The following PAK2 variants were observed in gnomAD, a reference collection of about 807,000 sequenced individuals.
The protein encoded by PAK2 is serine/threonine-protein kinase PAK 2.
Under a neutral mutation model 65.9 loss-of-function variants are expected in PAK2, and 21 were observed. That is an observed-to-expected ratio of 0.32 (90% CI 0.23 to 0.46). PAK2 has a LOEUF of 0.46. Among genes scored for constraint, PAK2 ranks in the 20% least tolerant of loss-of-function variants. PAK2 has a pLI of 1.00. For synonymous variants in PAK2, 204 were observed against 219.7 expected (o/e 0.93, Z 0.63); for missense variants, 324 against 642.6 (o/e 0.50, Z 5.36).
intron 12 of PAK2, among the ~76,000 whole-genome samples, chr3:196,819,024 A>G (rs1279825115): frequency 1.3e-5 from 2 of 152,226 alleles, no homozygotes; most frequent in Non-Finnish European, 1.5e-5. Flanking sequence ...CTGAACTTAC[A>G]TACCGCAGTA....
intron 7 of PAK2, among the ~76,000 whole-genome samples, chr3:196,808,793 G>A (rs1391490836): frequency 2.0e-5 from 3 of 151,904 alleles, no homozygotes; most frequent in East Asian, 1.9e-4. Flanking sequence ...CCTGGGAGGC[G>A]GAGATTGCAG....
intron 1 of PAK2, among the ~76,000 whole-genome samples, chr3:196,765,159 T>C (rs971132771): frequency 4.1e-5 from 6 of 147,574 alleles, no homozygotes; most frequent in African/African-American, 1.5e-4. Context: ...TTTTTTTTTT[T>C]TTTTTTGAGA....
At chr3:196,793,735 G>A (rs1715152999) in intron 2 of PAK2, among the ~76,000 whole-genome samples, 1 of 152,150 alleles carries the variant, frequency 6.6e-6, no homozygotes, top group Non-Finnish European at 1.5e-5. Context: ...CGCAGAGAAA[G>A]AATGATCAGA....
At chr3:196,747,700 A>T (rs1412243914) in intron 1 of PAK2, among the ~76,000 whole-genome samples, 1 of 152,206 alleles carries the variant, frequency 6.6e-6, no homozygotes, top group Non-Finnish European at 1.5e-5. Context: ...GACTAAGATT[A>T]TTTGTATGAA....
chr3:196,815,796 A>G (rs144551159), intron 11 of PAK2, among the ~76,000 whole-genome samples: 28 of 152,102 alleles, frequency 1.8e-4, no homozygotes, highest in Non-Finnish European at 3.4e-4. Context: ...AAAAAAAAAA[A>G]AGAGAAAGAA....
intron 2 of PAK2, among the ~76,000 whole-genome samples, chr3:196,800,476 G>A (rs556467491): frequency 2.0e-5 from 3 of 152,268 alleles, no homozygotes; most frequent in African/African-American, 7.2e-5. Flanking sequence ...CAGGCTTTCT[G>A]TAGAAATTAA....
At chr3:196,826,365 G>A (rs1229124619) in intron 13 of PAK2, among the ~76,000 whole-genome samples, 1 of 151,602 alleles carries the variant, frequency 6.6e-6, no homozygotes, top group Non-Finnish European at 1.5e-5. Flanking sequence ...GTAGAGACAG[G>A]GTTTCACCAT....
intron 13 of PAK2, among the ~76,000 whole-genome samples, chr3:196,825,301 A>G (rs79329669): frequency 1.3e-5 from 2 of 151,730 alleles, no homozygotes; most frequent in Admixed American, 6.6e-5. Context: ...TGTTGAGATC[A>G]TGCCACTGCA....
At chr3:196,762,290 G>T (rs1714004017) in intron 1 of PAK2, among the ~76,000 whole-genome samples, 1 of 129,862 alleles carries the variant, frequency 7.7e-6, no homozygotes, top group African/African-American at 2.8e-5. Flanking sequence ...CTTCCCAGAC[G>T]GGGTGGCGGC....
At chr3:196,762,067 G>A (rs1360047443) in intron 1 of PAK2, among the ~76,000 whole-genome samples, 1 of 141,946 alleles carries the variant, frequency 7.0e-6, no homozygotes, top group East Asian at 2.0e-4. Flanking sequence ...CGGGGTCTTG[G>A]CCGGGCAGAG....
chr3:196,772,395 T>A (rs541400339), intron 1 of PAK2, among the ~76,000 whole-genome samples: 278 of 152,348 alleles, frequency 1.8e-3, no homozygotes, highest in Non-Finnish European at 3.6e-3. Flanking sequence ...GGTTTTGCTT[T>A]GGTTTGGGCT....
At chr3:196,796,207 G>A (rs1366061758) in intron 2 of PAK2, among the ~76,000 whole-genome samples, 1 of 152,092 alleles carries the variant, frequency 6.6e-6, no homozygotes, top group Non-Finnish European at 1.5e-5. Flanking sequence ...TGTGGTATGC[G>A]TTCTTTCTTA....
intron 5 of PAK2, among the ~76,000 whole-genome samples, chr3:196,806,302 T>C (rs1166155618): frequency 6.6e-6 from 1 of 152,192 alleles, no homozygotes; most frequent in Non-Finnish European, 1.5e-5. Context: ...TAACATTGTT[T>C]ACTTTCAGGA....
chr3:196,812,419 G>C (rs1164718393), intron 9 of PAK2, 152 bp downstream of exon 9: 1 of 637,118 alleles, frequency 1.6e-6, no homozygotes, highest in Non-Finnish European at 2.8e-6. Flanking sequence ...CTGTCAGTAA[G>C]GCGGGGAAGG....
At chr3:196,810,775 T>A (rs1406498099) in intron 8 of PAK2, 122 bp downstream of exon 8, 2 of 589,938 alleles carry the variant, frequency 3.4e-6, no homozygotes, top group Non-Finnish European at 6.1e-6. Context: ...AGTGGTACCC[T>A]TGGGGGATTT....
intron 1 of PAK2, among the ~76,000 whole-genome samples, chr3:196,764,885 C>G (rs1299244384): frequency 6.8e-6 from 1 of 146,110 alleles, no homozygotes; most frequent in Non-Finnish European, 1.5e-5. Context: ...CTCTATTGCC[C>G]AGGCTGGAGT....
chr3:196,817,803 G>GT (rs1456835630), intron 11 of PAK2, among the ~76,000 whole-genome samples: 8 of 152,170 alleles, frequency 5.3e-5, no homozygotes, highest in Non-Finnish European at 1.2e-4. Flanking sequence ...ATGTCTCTGA[G>GT]TAAGATCAGA....
intron 8 of PAK2, among the ~76,000 whole-genome samples, chr3:196,811,040 A>G (rs112886960): frequency 0.011 from 1,598 of 151,982 alleles, 25 homozygotes; most frequent in African/African-American, 0.037. Flanking sequence ...TTTGTTGTGT[A>G]ATTTGTATTT....
At chr3:196,757,383 T>C (rs1713803571) in intron 1 of PAK2, among the ~76,000 whole-genome samples, 2 of 152,218 alleles carry the variant, frequency 1.3e-5, no homozygotes, top group Non-Finnish European at 2.9e-5. Context: ...TAGAACTCAC[T>C]GTATCCAACA....
Sources: allele counts gnomAD v4.1 joint callset (sites outside exome capture counted in the v4.1 genomes callset), GRCh38; gene constraint gnomAD v4.1.1; transcripts MANE v1.5; gene names NCBI Gene and HGNC (gene_info 2026-07-23, HGNC 2026-07-21).